SLC6A15: variants seen among roughly 807,000 people sequenced by gnomAD.
SLC6A15 encodes solute carrier family 6 member 15, also known as sodium-dependent neutral amino acid transporter B(0)AT2.
In SLC6A15, 33 loss-of-function variants were observed where a neutral mutation model predicts 68.5. The ratio of observed to expected loss-of-function variants is 0.48; its 90% CI spans 0.37 to 0.64. The LOEUF is 0.64. Among genes scored for constraint, SLC6A15 ranks in the 30% least tolerant of loss-of-function variants. SLC6A15 has a pLI of 0.00. For missense variants in SLC6A15, 747 were observed against 874.3 expected, an observed-to-expected ratio of 0.85 and a Z score of 1.84; for synonymous variants, 347 against 301.0, an observed-to-expected ratio of 1.15 and a Z score of -1.58.
chr12:84,896,524 C>T (rs914314624), intron 1 of SLC6A15, among the ~76,000 whole-genome samples: 2 of 152,228 alleles, frequency 1.3e-5, no homozygotes, highest in African/African-American at 4.8e-5. Flanking sequence ...GCCAACCTCT[C>T]TTTCAGAGAA....
At chr12:84,868,402 A>G (rs2120553236) in intron 9 of SLC6A15, among the ~76,000 whole-genome samples, 1 of 152,300 alleles carries the variant, frequency 6.6e-6, no homozygotes, top group South Asian at 2.1e-4. Context: ...AACGTTAAGT[A>G]ATGTGCTTAA....
chr12:84,887,232 C>T (rs1417326001), intron 2 of SLC6A15, among the ~76,000 whole-genome samples: 1 of 152,040 alleles, frequency 6.6e-6, no homozygotes, highest in African/African-American at 2.4e-5. Context: ...CTATAAAGAG[C>T]CTTTTATTAT....
In SLC6A15 at chr12:84,859,753, A is replaced by G. The variant is rs1397040406; in HGVS notation, c.*1879T>C. 5.9e-5 allele frequency: 9 copies of G among 152,124 alleles called. No homozygotes were observed. The highest frequency in any genetic ancestry group is 2.2e-4 in the African/African-American group (9 of 41,456). 9.4% of individuals were successfully genotyped at this position (152,124 alleles called of 1,614,324 possible). A position where few individuals can be genotyped will look rare whatever the true frequency, so the allele number is the denominator to read the frequency against. On this transcript the variant is annotated 3_prime_UTR_variant, in exon 12 of 12. Transcript: ENST00000266682. ...TTTTTATTAGTTCAGCCTCTGAAAT[A>G]AGGAAGCACATTTGTGAATATTCAT... is the stretch of plus-strand genomic sequence containing the variant.
intron 9 of SLC6A15, among the ~76,000 whole-genome samples, chr12:84,870,147 TA>T (rs1261973592): frequency 6.6e-6 from 1 of 151,690 alleles, no homozygotes; most frequent in African/African-American, 2.4e-5. Context: ...TTGACTTGTA[TA>T]AAAATTATAC....
chr12:84,885,420 TTA>T lies in SLC6A15; in HGVS notation c.574+13_574+14del, dbSNP rs1565727256. 6.2e-6 allele frequency: 10 copies of T among 1,606,070 alleles called. No individual in the cohort carries two copies. Among genetic ancestry groups the T allele is most frequent in the Admixed American group, 1.7e-5 (1 of 58,388 alleles). On this transcript the variant is annotated intron_variant, in intron 4 of 11. Transcript: ENST00000266682. ...AATGCTTAAATACCAAAACACTGTA[TTA>T]TACATATCTTACAAGTGTGTGAAGC...
At chr12:84,866,328 C>G (rs1008568747) in intron 10 of SLC6A15, among the ~76,000 whole-genome samples, 1 of 152,128 alleles carries the variant, frequency 6.6e-6, no homozygotes, top group Non-Finnish European at 1.5e-5. Flanking sequence ...AATACATACA[C>G]TTTTCACATC....
At chr12:84,885,190 TATA>T (rs1872033123) in intron 4 of SLC6A15, among the ~76,000 whole-genome samples, 1 of 152,084 alleles carries the variant, frequency 6.6e-6, no homozygotes, top group South Asian at 2.1e-4. Flanking sequence ...AGTGAAGGCT[TATA>T]ATACTTTACC....
intron 10 of SLC6A15, 77 bp from the exon 11 acceptor site, chr12:84,863,678 G>A (rs1870947115): frequency 9.4e-7 from 1 of 1,065,136 alleles, no homozygotes; most frequent in Non-Finnish European, 1.3e-6. Flanking sequence ...TATATTAATG[G>A]TCTGACAAAC....
intron 5 of SLC6A15, 56 bp downstream of exon 5, chr12:84,883,803 G>C (rs761997707): frequency 2.5e-6 from 4 of 1,613,832 alleles, no homozygotes; most frequent in African/African-American, 1.3e-5. Context: ...ATTTGAGAGA[G>C]GGATGAATCC....
At chr12:84,871,578 T>TA (rs556527522) in intron 8 of SLC6A15, among the ~76,000 whole-genome samples, 219 of 147,538 alleles carry the variant, frequency 1.5e-3, no homozygotes, top group African/African-American at 4.1e-3. Context: ...AGATGAGAAT[T>TA]AAAAAAAAAA....
intron 2 of SLC6A15, among the ~76,000 whole-genome samples, chr12:84,887,727 A>G (rs1327097417): frequency 1.3e-5 from 2 of 152,136 alleles, no homozygotes; most frequent in East Asian, 3.9e-4. Context: ...GAGAGAGAGA[A>G]AGAATTATGA....
At chr12:84,912,441 C>A in intron 1 of SLC6A15, 82 bp downstream of exon 1, 1 of 153,008 alleles carries the variant, frequency 6.5e-6, no homozygotes, top group Non-Finnish European at 1.5e-5. Flanking sequence ...GTTCCCGGTG[C>A]TGGTGCCCAG....
rs1870810561 is a variant in SLC6A15, at chr12:84,860,718, A to G, written c.*914T>C. 1 of 152,190 alleles carries G rather than the reference A, an allele frequency of 6.6e-6. No homozygotes were observed. The highest frequency in any genetic ancestry group is 2.1e-4 in the South Asian group (1 of 4,834). The allele number at this position is 152,190 out of a possible 1,614,324, so 9.4% of individuals were successfully genotyped here. A position where few individuals can be genotyped will look rare whatever the true frequency, so the allele number is the denominator to read the frequency against. Reference sequence around the variant, plus strand: ...TTACAATTTTAACAATCACTTAAAAATGATTTATATTTGCATAAAACAGAA... The same window carrying G: ...TTACAATTTTAACAATCACTTAAAAGTGATTTATATTTGCATAAAACAGAA... On this transcript the variant is annotated 3_prime_UTR_variant, in exon 12 of 12. Transcript: ENST00000266682.
intron 1 of SLC6A15, among the ~76,000 whole-genome samples, chr12:84,897,345 T>C (rs373849860): frequency 6.6e-6 from 1 of 152,046 alleles, no homozygotes; most frequent in African/African-American, 2.4e-5. Context: ...TATCTTAAAG[T>C]AATTTAGAAG....
At position 84,870,537 on chromosome 12, in the gene SLC6A15, A is replaced by G; in HGVS notation, c.1436T>C (p.Ile479Thr). 1.9e-6 allele frequency: 3 copies of G among 1,598,058 alleles called. No homozygotes were observed. Among genetic ancestry groups the G allele is most frequent in the Non-Finnish European group, 2.6e-6 (3 of 1,171,348 alleles). ...CACAATAGGCGTGACAATCCCTTCA[A>G]TGGTTCCAAACATACTGCCAAGGCC... is the stretch of plus-strand genomic sequence containing the variant. ...NLGLGSMFGT[I>T]EGIVTPIVDT... The change falls in exon 9 of 12, where the codon ATT (isoleucine) becomes ACT (threonine). Residue 479 changes from isoleucine to threonine, a missense_variant. Physicochemically the swap from Ile to Thr is moderately conservative, Grantham distance 89 (BLOSUM62 -1). Transcript: ENST00000266682.
chr12:84,872,551 A>C, intron 8 of SLC6A15, 51 bp downstream of exon 8: 1 of 1,490,684 alleles, frequency 6.7e-7, no homozygotes, highest in African/African-American at 1.4e-5. Context: ...TGGATAATGC[A>C]TATTTCAAGT....
intron 5 of SLC6A15, chr12:84,881,431 A>T (rs377468735): frequency 2.0e-6 from 2 of 984,326 alleles, no homozygotes; most frequent in East Asian, 1.1e-4. Context: ...CTATTTGAAG[A>T]CTTTGATCAC....
chr12:84,912,745 G>C lies in SLC6A15; in HGVS notation c.-411C>G, dbSNP rs535580101. ...CTCGTGAGCGCCTGTGTGTCTGCCA[G>C]GGAAACAGCACGGGATACAGGCGCG... On this transcript the variant is annotated 5_prime_UTR_variant, in exon 1 of 12. Coordinates refer to ENST00000266682, the MANE Select transcript of SLC6A15 (RefSeq NM_182767.6). 4.4e-4 allele frequency: 67 copies of C among 153,382 alleles called. No homozygotes were observed. Among genetic ancestry groups the C allele is most frequent in the African/African-American group, 1.6e-3 (66 of 41,596 alleles). The allele number at this position is 153,382 out of a possible 1,614,324, so 9.5% of individuals were successfully genotyped here.
rs559221366 is a variant in SLC6A15 at position 84,861,476 on chromosome 12, C to A, written c.*156G>T. 77 of 764,824 alleles carry A rather than the reference C, an allele frequency of 1.0e-4. No individual in the cohort carries two copies. The highest frequency in any genetic ancestry group is 4.2e-4 in the Middle Eastern group (1 of 2,406). The allele number at this position is 764,824 out of a possible 1,614,324, so 47.4% of individuals were successfully genotyped here. A position where few individuals can be genotyped will look rare whatever the true frequency, so the allele number is the denominator to read the frequency against. ...GTAAACCAAAGAATCCAAAAGAATG[C>A]TCAAGTTGAACTGACATATACTGTT... On this transcript the variant is annotated 3_prime_UTR_variant, in exon 12 of 12. Coordinates refer to ENST00000266682, the MANE Select transcript of SLC6A15 (RefSeq NM_182767.6).
Sources: allele counts gnomAD v4.1 joint callset (sites outside exome capture counted in the v4.1 genomes callset), GRCh38; gene constraint gnomAD v4.1.1; transcripts MANE v1.5; gene names NCBI Gene and HGNC (gene_info 2026-07-23, HGNC 2026-07-21).